The following NRG4 variants were observed in gnomAD, a reference collection of about 807,000 sequenced individuals.
The protein encoded by NRG4 is neuregulin 4, also known as pro-neuregulin-4, membrane-bound isoform.
Under a neutral mutation model 15.0 loss-of-function variants are expected in NRG4, and 10 were observed. The observed-to-expected ratio is 0.67, with a 90% CI of 0.41 to 1.13. The LOEUF (loss-of-function observed/expected upper bound fraction) is 1.13, where lower values mean the gene tolerates loss of function less well. NRG4 is among the 50% of genes most tolerant of loss of function. The pLI is 0.00. For missense variants in NRG4, 139 were observed against 140.2 expected (o/e 0.99, Z 0.04); for synonymous variants, 41 against 50.1 (o/e 0.82, Z 0.77).
At position 76,050,595 on chromosome 15, in the gene NRG4, TAA is replaced by T. The variant is rs1467900300; in HGVS notation, c.-105+1470_-105+1471del. On this transcript the variant is annotated intron_variant, in intron 4 of 8. Coordinates refer to the NRG4 transcript ENST00000563910. ...ACAGGCACTCACCACCACGCTCGGC[TAA>T]TTTTTTTTTTTTTTTTTTTTTGTAT... 1.9e-3 allele frequency among the ~76,000 whole-genome samples: 226 copies of T among 121,636 alleles called. 8 individuals are homozygous for T. Among genetic ancestry groups the T allele is most frequent in the African/African-American group, 7.0e-3 (206 of 29,300 alleles). 79.8% of individuals were successfully genotyped at this position (121,636 alleles called of 152,430 possible). A position where few individuals can be genotyped will look rare whatever the true frequency, so the allele number is the denominator to read the frequency against.
intron 4 of NRG4, among the ~76,000 whole-genome samples, chr15:76,050,671 C>G (rs537887516): frequency 4.2e-5 from 6 of 144,044 alleles, no homozygotes; most frequent in Admixed American, 2.8e-4. Flanking sequence ...GTCTTGAACT[C>G]CTGACCTCCT....
intron 3 of NRG4, among the ~76,000 whole-genome samples, chr15:76,003,797 TAAAC>T (rs1421956316): frequency 1.3e-5 from 2 of 152,042 alleles, no homozygotes; most frequent in Non-Finnish European, 2.9e-5. Context: ...AATGGCTAAA[TAAAC>T]AAACAAAACA....
intron 5 of NRG4, among the ~76,000 whole-genome samples, chr15:76,025,550 T>C (rs2035290753): frequency 6.6e-6 from 1 of 152,060 alleles, no homozygotes; most frequent in Non-Finnish European, 1.5e-5. Context: ...ACAGAAATCC[T>C]GAAGCTGAAG....
intron 4 of NRG4, among the ~76,000 whole-genome samples, chr15:76,038,155 C>G (rs930224056): frequency 6.6e-6 from 1 of 152,222 alleles, no homozygotes; most frequent in Non-Finnish European, 1.5e-5. Context: ...GGGAGACACA[C>G]TGGCTTCAGG....
At chr15:75,946,177 C>T (rs972559403) in intron 5 of NRG4, among the ~76,000 whole-genome samples, 1 of 152,076 alleles carries the variant, frequency 6.6e-6, no homozygotes, top group South Asian at 2.1e-4. Context: ...CATCATGTTG[C>T]TTAGAAGGGT....
intron 3 of NRG4, among the ~76,000 whole-genome samples, chr15:75,999,548 C>A (rs1005675153): frequency 2.0e-5 from 3 of 152,196 alleles, no homozygotes; most frequent in Non-Finnish European, 2.9e-5. Flanking sequence ...GAGCTTGCAA[C>A]AAGAAGGCCC....
chr15:76,004,616 A>T (rs2034533346), intron 3 of NRG4, among the ~76,000 whole-genome samples: 1 of 151,744 alleles, frequency 6.6e-6, no homozygotes, highest in South Asian at 2.1e-4. Context: ...AAAAAAAAAA[A>T]ATTTTTTTTT....
chr15:76,041,741 A>C (rs554918414), intron 4 of NRG4, among the ~76,000 whole-genome samples: 1 of 152,298 alleles, frequency 6.6e-6, no homozygotes, highest in South Asian at 2.1e-4. Context: ...CTGGAGATTC[A>C]ACACCCCACT....
At chr15:75,986,132 TCAG>T (rs911240855) in intron 3 of NRG4, among the ~76,000 whole-genome samples, 2 of 152,160 alleles carry the variant, frequency 1.3e-5, no homozygotes, top group Admixed American at 1.3e-4. Flanking sequence ...TATGCTGCTA[TCAG>T]CTTGGTAAAA....
In NRG4 at chr15:76,045,924, C is replaced by G. The variant is rs2035858799; in HGVS notation, c.-105+6143G>C. Among the ~76,000 whole-genome samples, 2 of 150,858 alleles carry G rather than the reference C, an allele frequency of 1.3e-5. 1 individual carries two copies. Among genetic ancestry groups the G allele is most frequent in the African/African-American group, 4.9e-5 (2 of 40,466 alleles). On this transcript the variant is annotated intron_variant, in intron 4 of 8. Transcript: ENST00000563910. ...AATGTAATTGTACATTTTAAAATAA[C>G]TAAGAGTATAATTGGATTGTTTGTA... is the stretch of plus-strand genomic sequence containing the variant.
chr15:76,049,913 C>A (rs1003422050), intron 4 of NRG4, among the ~76,000 whole-genome samples: 5 of 150,560 alleles, frequency 3.3e-5, no homozygotes, highest in Admixed American at 3.3e-4. Flanking sequence ...CCATTTCTGT[C>A]GATGGTAACA....
chr15:75,948,356 A>C (rs1026041297), intron 5 of NRG4, among the ~76,000 whole-genome samples: 16 of 150,920 alleles, frequency 1.1e-4, no homozygotes, highest in East Asian at 3.9e-4. Flanking sequence ...TTGAGATGGA[A>C]TCTCGTGATC....
rs142812746 is a variant in NRG4, at chr15:75,941,960, A to AAACAC, written c.*1677_*1678insGTGTT. 2.1e-5 allele frequency: 2 copies of AAACAC among 93,766 alleles called. No homozygotes were observed. The highest frequency in any genetic ancestry group is 7.8e-5 in the African/African-American group (2 of 25,782). The allele number at this position is 93,766 out of a possible 1,614,324, so 5.8% of individuals were successfully genotyped here. A position where few individuals can be genotyped will look rare whatever the true frequency, so the allele number is the denominator to read the frequency against. ...ACCACCAAAAAAAAAAAAAAAAAAA[A>AAACAC]ATATGGCCTAGCTTTTTTTTTTTTT... On this transcript the variant is annotated 3_prime_UTR_variant, in exon 6 of 6. Transcript: ENST00000394907.
At chr15:76,009,981 TTC>T (rs1003636974) in intron 2 of NRG4, among the ~76,000 whole-genome samples, 2 of 152,164 alleles carry the variant, frequency 1.3e-5, no homozygotes, top group African/African-American at 4.8e-5. Flanking sequence ...CTGACTTCTT[TTC>T]TCTCTTTCCT....
rs148258365 is a variant in NRG4 at position 75,961,948 on chromosome 15, C to T, written c.131G>A (p.Arg44His). ...GCCTGGGAGAAAAACCTCTTCACAA[C>T]GAGCTCCTGTATAGTTTTCAACGCA... ...CRCVENYTGARCEEVFLPGSS... is the reference protein window; with the variant it reads ...CRCVENYTGAHCEEVFLPGSS... Residue 44 changes from arginine (R) to histidine (H), a missense_variant, in exon 4 of 6, where the codon CGT becomes CAT. Arg to His is a conservative substitution (Grantham distance 29, BLOSUM62 0). Transcript: ENST00000394907. 1.4e-5 allele frequency: 22 copies of T among 1,613,432 alleles called. No individual in the cohort carries two copies. The highest frequency in any genetic ancestry group is 3.3e-4 in the Middle Eastern group (2 of 6,058).
At chr15:75,984,833 TTTTTGTTTTG>T (rs922850881) in intron 3 of NRG4, among the ~76,000 whole-genome samples, 62 of 152,052 alleles carry the variant, frequency 4.1e-4, no homozygotes, top group Non-Finnish European at 5.7e-4. Context: ...TTTAAAGCAG[TTTTTGTTTTG>T]TTTTGTTTTG....
chr15:75,988,833 A>T (rs914906169), intron 3 of NRG4, among the ~76,000 whole-genome samples: 1 of 125,076 alleles, frequency 8.0e-6, no homozygotes, highest in Non-Finnish European at 1.6e-5. Flanking sequence ...CAAAAATAGA[A>T]TCTAGAATCC....
chr15:76,031,089 C>A (rs1035016723), intron 5 of NRG4, among the ~76,000 whole-genome samples: 2 of 151,920 alleles, frequency 1.3e-5, no homozygotes, highest in African/African-American at 4.8e-5. Context: ...ATACAATTCA[C>A]CACATTAACA....
chr15:75,976,179 C>T (rs1055881595), intron 3 of NRG4, among the ~76,000 whole-genome samples: 1 of 152,190 alleles, frequency 6.6e-6, no homozygotes, highest in Non-Finnish European at 1.5e-5. Context: ...TGTTTTTCAG[C>T]TCCATCAGGT....
Sources: gnomAD v4.1 joint callset for allele counts (sites outside exome capture counted in the v4.1 genomes callset) on GRCh38, gnomAD v4.1.1 for gene constraint, MANE v1.5 for transcripts, NCBI Gene and HGNC (gene_info 2026-07-23, HGNC 2026-07-21) for gene names.